The following GRAP2 variants were observed in gnomAD, a reference collection of about 807,000 sequenced individuals.
The protein encoded by GRAP2 is GRB2-related adapter protein 2.
GRAP2 carries 31 observed loss-of-function variants against 43.5 expected under a neutral mutation model. The ratio of observed to expected loss-of-function variants is 0.71; its 90% confidence interval spans 0.54 to 0.96. The LOEUF (loss-of-function observed/expected upper bound fraction) is 0.96, where lower values mean the gene tolerates loss of function less well. Ranked by LOEUF, GRAP2 falls within the 40% of genes least tolerant of loss-of-function variation. The probability of loss-of-function intolerance (pLI) is 0.00; values close to 1 mark genes in which losing one functional copy is unlikely to be tolerated. For missense variants in GRAP2, 371 were observed against 424.4 expected, an observed-to-expected ratio of 0.87 and a Z score of 1.11; for synonymous variants, 156 against 164.8, an observed-to-expected ratio of 0.95 and a Z score of 0.41.
At chr22:39,954,923 G>A (rs1054846153) in intron 2 of GRAP2, among the ~76,000 whole-genome samples, 12 of 152,298 alleles carry the variant, frequency 7.9e-5, no homozygotes, top group Admixed American at 6.5e-4. Context: ...TTTAGAAAAG[G>A]CATCCCAAGT....
At chr22:39,953,082 T>C (rs1468864481) in intron 2 of GRAP2, among the ~76,000 whole-genome samples, 3 of 152,134 alleles carry the variant, frequency 2.0e-5, no homozygotes, top group African/African-American at 7.2e-5. Context: ...AGCACTTAGT[T>C]CTTTCCATTA....
intron 3 of GRAP2, among the ~76,000 whole-genome samples, chr22:39,956,212 C>T (rs540137427): frequency 1.2e-4 from 18 of 149,336 alleles, no homozygotes; most frequent in South Asian, 8.4e-4. Context: ...GGCTGGAGTG[C>T]GGTGACTCCA....
intron 1 of GRAP2, among the ~76,000 whole-genome samples, chr22:39,928,451 A>C (rs187350949): frequency 1.7e-4 from 26 of 152,282 alleles, no homozygotes; most frequent in Middle Eastern, 3.4e-3. Context: ...GATTTCTCAG[A>C]GCTTTCTTTG....
intron 1 of GRAP2, among the ~76,000 whole-genome samples, chr22:39,941,414 C>T (rs1170655630): frequency 6.6e-6 from 1 of 152,094 alleles, no homozygotes; most frequent in Non-Finnish European, 1.5e-5. Flanking sequence ...TATATTCTGT[C>T]CACTAAACTA....
chr22:39,938,197 C>CA (rs1163316141), intron 1 of GRAP2, among the ~76,000 whole-genome samples: 1 of 151,978 alleles, frequency 6.6e-6, no homozygotes, highest in Non-Finnish European at 1.5e-5. Context: ...CTCCAAAACC[C>CA]AAAAAACCTT....
At chr22:39,942,729 G>T (rs965313225) in intron 1 of GRAP2, among the ~76,000 whole-genome samples, 1 of 152,116 alleles carries the variant, frequency 6.6e-6, no homozygotes, top group African/African-American at 2.4e-5. Context: ...GTTCAAAGCG[G>T]CAGTGAGCTA....
At chr22:39,898,877 C>A (rs750962433), upstream of GRAP2, among the ~76,000 whole-genome samples, 1 of 151,958 alleles carries the variant, frequency 6.6e-6, no homozygotes, top group Non-Finnish European at 1.5e-5. Context: ...AATGACCCCT[C>A]AAAAGGAATT....
chr22:39,952,566 C>T (rs1569210196), intron 2 of GRAP2, among the ~76,000 whole-genome samples: 1 of 152,144 alleles, frequency 6.6e-6, no homozygotes, highest in Non-Finnish European at 1.5e-5. Flanking sequence ...TGCTTCCTCC[C>T]TTGCCCCCTC....
intron 1 of GRAP2, among the ~76,000 whole-genome samples, chr22:39,946,481 G>T (rs572810392): frequency 1.3e-5 from 2 of 152,114 alleles, no homozygotes; most frequent in Non-Finnish European, 2.9e-5. Flanking sequence ...AAATGTACTT[G>T]GTTTATAATA....
In GRAP2 at chr22:39,956,765, G is replaced by A. The variant is rs567571105; in HGVS notation, c.170+855G>A. Among the ~76,000 whole-genome samples the A allele has an allele frequency of 2.8e-4, 43 of 152,232 alleles. No homozygotes were observed. In the South Asian group the frequency reaches 2.9e-3, roughly 10 times the overall value. On this transcript the variant is annotated intron_variant, in intron 3 of 7. Coordinates refer to ENST00000344138, the MANE Select transcript of GRAP2 (RefSeq NM_004810.4). ...ATTACAGGTGTGAGCCACTGCACCC[G>A]GCCTATTTTAAGTTTTTATAAAATG...
At chr22:39,945,327 T>A (rs1273487261) in intron 1 of GRAP2, among the ~76,000 whole-genome samples, 2 of 152,250 alleles carry the variant, frequency 1.3e-5, no homozygotes, top group East Asian at 1.9e-4. Context: ...GTCATCTCTA[T>A]AAATTACCTT....
chr22:39,941,078 T>A (rs2066865096), intron 1 of GRAP2, among the ~76,000 whole-genome samples: 1 of 152,212 alleles, frequency 6.6e-6, no homozygotes, highest in Admixed American at 6.5e-5. Flanking sequence ...AGTTAATTGA[T>A]CCTTTTAAAT....
intron 1 of GRAP2, among the ~76,000 whole-genome samples, chr22:39,937,729 A>C (rs2066820509): frequency 6.6e-6 from 1 of 152,198 alleles, no homozygotes; most frequent in African/African-American, 2.4e-5. Context: ...CACAGAGAAG[A>C]TAAACTATGG....
At chr22:39,936,396 A>G (rs2066806826) in intron 1 of GRAP2, among the ~76,000 whole-genome samples, 1 of 152,264 alleles carries the variant, frequency 6.6e-6, no homozygotes, top group Non-Finnish European at 1.5e-5. Context: ...TCAGTCTAGC[A>G]GCAGAGTGAG....
At chr22:39,951,166 A>G (rs1240256644) in intron 2 of GRAP2, among the ~76,000 whole-genome samples, 4 of 152,160 alleles carry the variant, frequency 2.6e-5, no homozygotes, top group African/African-American at 9.7e-5. Flanking sequence ...GGACAGGAAA[A>G]CGCTGCCAAA....
intron 2 of GRAP2, among the ~76,000 whole-genome samples, chr22:39,954,353 G>GCTATC (rs1467220843): frequency 1.3e-5 from 2 of 152,084 alleles, no homozygotes; most frequent in African/African-American, 2.4e-5. Flanking sequence ...CTTTTGCTCT[G>GCTATC]CTATCCTTAT....
chr22:39,915,095 G>A (rs3021226), intron 1 of GRAP2, among the ~76,000 whole-genome samples: 21,045 of 150,084 alleles, frequency 0.14, 1,578 homozygotes, highest in Non-Finnish European at 0.16. Flanking sequence ...AGGCCGAGGT[G>A]GGAGAATCAC....
chr22:39,953,876 G>T (rs532734307), intron 2 of GRAP2, among the ~76,000 whole-genome samples: 3 of 152,202 alleles, frequency 2.0e-5, no homozygotes, highest in Non-Finnish European at 4.4e-5. Context: ...GCCTCCCAAA[G>T]TGCTGGGATT....
intron 4 of GRAP2, among the ~76,000 whole-genome samples, chr22:39,961,941 T>C (rs1187125430): frequency 1.3e-5 from 2 of 152,260 alleles, no homozygotes; most frequent in African/African-American, 4.8e-5. Flanking sequence ...ACAATTTGTA[T>C]GCATACATAC....
Sources: gnomAD v4.1 joint callset for allele counts (sites outside exome capture counted in the v4.1 genomes callset) on GRCh38, gnomAD v4.1.1 for gene constraint, MANE v1.5 for transcripts, NCBI Gene and HGNC (gene_info 2026-07-23, HGNC 2026-07-21) for gene names.